Variants in MTHFD1L observed in about 807,000 individuals in gnomAD.
The protein encoded by MTHFD1L is monofunctional C1-tetrahydrofolate synthase, mitochondrial.
A neutral mutation model predicts 119.5 loss-of-function variants in MTHFD1L; 81 were observed. That is an observed-to-expected ratio of 0.68 (90% CI 0.57 to 0.82). MTHFD1L has a LOEUF of 0.82. MTHFD1L is among the 40% of genes least tolerant of loss of function. MTHFD1L has a pLI of 0.00. For synonymous variants in MTHFD1L, 430 were observed against 475.2 expected (o/e 0.90, Z 1.24); for missense variants, 1,125 against 1,253.4 (o/e 0.90, Z 1.55).
chr6:151,049,588 G>A (rs1788684747), intron 26 of MTHFD1L, among the ~76,000 whole-genome samples: 1 of 151,228 alleles, frequency 6.6e-6, no homozygotes, highest in Non-Finnish European at 1.5e-5. Context: ...CTTGAACCCA[G>A]GAGGCGGAAG....
chr6:151,089,438 C>T (rs377322197), intron 26 of MTHFD1L, among the ~76,000 whole-genome samples: 3 of 152,156 alleles, frequency 2.0e-5, no homozygotes, highest in South Asian at 4.2e-4. Context: ...CCTGTCTCTA[C>T]CAAAAATACA....
intron 23 of MTHFD1L, 30 bp downstream of exon 23, chr6:151,015,010 G>C (rs57307353): frequency 6.4e-7 from 1 of 1,571,998 alleles, no homozygotes; most frequent in East Asian, 2.2e-5. Context: ...TTAAATGTGG[G>C]CATTATCACT....
At chr6:150,944,742 C>G (rs527814657) in intron 14 of MTHFD1L, 149 bp downstream of exon 14, 1 of 640,996 alleles carries the variant, frequency 1.6e-6, no homozygotes, top group South Asian at 2.0e-5. Context: ...CCCTGTTTCC[C>G]AAGGAGAAGG....
At chr6:150,971,390 C>T (rs1283024499) in intron 19 of MTHFD1L, among the ~76,000 whole-genome samples, 3 of 151,960 alleles carry the variant, frequency 2.0e-5, no homozygotes, top group Non-Finnish European at 2.9e-5. Context: ...TTAGTAGAGA[C>T]GGGTTTCACT....
In MTHFD1L at chr6:150,926,172, C is replaced by T; in HGVS notation, c.1133C>T (p.Ala378Val). 6.2e-7 allele frequency: 1 copy of T among 1,613,970 alleles called. No individual in the cohort carries two copies. Among genetic ancestry groups the T allele is most frequent in the Non-Finnish European group, 8.5e-7 (1 of 1,179,942 alleles). The change falls in exon 11 of 28, where the codon GCC becomes GTC. Residue 378 changes from alanine to valine, a missense_variant. Coordinates refer to ENST00000367321, the MANE Select transcript of MTHFD1L (RefSeq NM_015440.5). This position sits in a 1 kb window ranked among gnomAD's most constrained non-coding sequence, Gnocchi z 4.3. ...GQTPKAVDVL[A>V]KEIGLLADEI... ...ACTCCAAAAGCTGTGGATGTCCTTG[C>T]CAAGGAGATTGGATTGCTTGCAGAT...
At chr6:151,019,507 T>C (rs1169409259) in intron 24 of MTHFD1L, among the ~76,000 whole-genome samples, 5 of 152,182 alleles carry the variant, frequency 3.3e-5, no homozygotes, top group African/African-American at 1.2e-4. Flanking sequence ...TCAGCTCTCT[T>C]CTGAAAGGAG....
chr6:150,987,341 T>TA (rs972913636), intron 20 of MTHFD1L, among the ~76,000 whole-genome samples: 1 of 152,184 alleles, frequency 6.6e-6, no homozygotes, highest in Non-Finnish European at 1.5e-5. Context: ...TGACCTAACA[T>TA]ACAAGGCAGT....
intron 8 of MTHFD1L, among the ~76,000 whole-genome samples, chr6:150,906,427 G>A (rs945541459): frequency 2.0e-5 from 3 of 152,238 alleles, no homozygotes; most frequent in Non-Finnish European, 4.4e-5. Flanking sequence ...AGCAGGAGCC[G>A]GCCCAGAGTG....
intron 24 of MTHFD1L, among the ~76,000 whole-genome samples, chr6:151,019,554 A>G (rs1457927370): frequency 6.6e-6 from 1 of 152,202 alleles, no homozygotes; most frequent in Non-Finnish European, 1.5e-5. Flanking sequence ...AAAGTCCTCT[A>G]TTGATAGGCG....
At chr6:150,956,647 C>A (rs1326331453) in intron 17 of MTHFD1L, among the ~76,000 whole-genome samples, 4 of 152,058 alleles carry the variant, frequency 2.6e-5, no homozygotes, top group Admixed American at 2.6e-4. Flanking sequence ...GATTTTTCAT[C>A]CAGGCACAGT....
intron 26 of MTHFD1L, chr6:151,056,120 C>T (rs1188096297): frequency 1.3e-5 from 2 of 152,206 alleles, no homozygotes; most frequent in Non-Finnish European, 2.9e-5. Context: ...CTCTGGAACT[C>T]TCCTAAACCA....
intron 23 of MTHFD1L, 111 bp from the exon 24 acceptor site, chr6:151,015,405 T>C (rs1782904273): frequency 8.0e-7 from 1 of 1,247,174 alleles, no homozygotes; most frequent in South Asian, 1.5e-5. Context: ...CTTTTGATGT[T>C]TAAAATGTAT....
intron 20 of MTHFD1L, among the ~76,000 whole-genome samples, chr6:150,981,111 A>G (rs563734104): frequency 1.4e-4 from 22 of 152,316 alleles, no homozygotes; most frequent in African/African-American, 4.8e-4. Context: ...ACATCATTTC[A>G]TTTTTAAATT....
At chr6:151,001,093 C>T (rs1780549892) in intron 20 of MTHFD1L, among the ~76,000 whole-genome samples, 1 of 152,202 alleles carries the variant, frequency 6.6e-6, no homozygotes, top group Admixed American at 6.5e-5. Context: ...GTTGCAAGGA[C>T]TAGTTCTTCT....
intron 8 of MTHFD1L, among the ~76,000 whole-genome samples, 166 bp downstream of exon 8, chr6:150,905,927 G>A (rs185189215): frequency 6.6e-6 from 1 of 152,196 alleles, no homozygotes; most frequent in Non-Finnish European, 1.5e-5. Flanking sequence ...CCATGCTGTT[G>A]AGCAAAGAGA....
At chr6:151,041,796 C>G (rs1206041510) in intron 26 of MTHFD1L, 2 of 532,660 alleles carry the variant, frequency 3.8e-6, no homozygotes, top group African/African-American at 3.9e-5. Context: ...AAGCTCCCCT[C>G]TGGCTCTAGT....
chr6:150,887,080 C>T (rs1336895772), intron 6 of MTHFD1L, among the ~76,000 whole-genome samples: 1 of 151,810 alleles, frequency 6.6e-6, no homozygotes, highest in Admixed American at 6.6e-5. Context: ...GCAAATGCCC[C>T]TCCCTACCCC....
rs35481988 is a variant in MTHFD1L at position 150,964,931 on chromosome 6, A to AT, written c.1945-34dup. 3 of 1,599,312 alleles carry AT rather than the reference A, an allele frequency of 1.9e-6. No individual in the cohort carries two copies. In the Admixed American group the frequency reaches 5.0e-5, roughly 27 times the overall value. On this transcript the variant is annotated intron_variant, in intron 18 of 27. Transcript: ENST00000367321. ...AGGGGTTAACCATTGCCTGGATGAT[A>AT]TTTTGTCAGGAATCTAATGTTTTTC...
At chr6:151,084,349 A>G (rs1434935010) in intron 26 of MTHFD1L, among the ~76,000 whole-genome samples, 2 of 152,206 alleles carry the variant, frequency 1.3e-5, no homozygotes, top group Non-Finnish European at 2.9e-5. Flanking sequence ...GACTCAGCCA[A>G]GCCTGGCACG....
Sources: allele counts gnomAD v4.1 joint callset (sites outside exome capture counted in the v4.1 genomes callset), GRCh38; gene constraint gnomAD v4.1.1; non-coding constraint Gnocchi (gnomAD v3.1); transcripts MANE v1.5; gene names NCBI Gene and HGNC (gene_info 2026-07-23, HGNC 2026-07-21).